The following LRRTM4 variants were observed in gnomAD, a reference collection of about 807,000 sequenced individuals.
The protein encoded by LRRTM4 is leucine-rich repeat transmembrane neuronal protein 4.
LRRTM4 carries 25 observed loss-of-function variants against 47.6 expected under a neutral mutation model. That is an observed-to-expected ratio of 0.53 (90% CI 0.38 to 0.73). LRRTM4 has a LOEUF of 0.73. Ranked by LOEUF, LRRTM4 falls within the 30% of genes least tolerant of loss-of-function variation. The pLI, the probability that LRRTM4 is intolerant of heterozygous loss-of-function variation, is 0.00. For missense variants in LRRTM4, 638 were observed against 713.4 expected (o/e 0.89, Z 1.20); for synonymous variants, 311 against 269.5 (o/e 1.15, Z -1.51).
chr2:76,958,242 A>G (rs2103904984), intron 3 of LRRTM4, among the ~76,000 whole-genome samples: 1 of 151,896 alleles, frequency 6.6e-6, no homozygotes, highest in South Asian at 2.1e-4. Flanking sequence ...TACTGTCACA[A>G]TCTTTCCCAG....
At chr2:76,758,720 T>C (rs1673150382) in intron 3 of LRRTM4, among the ~76,000 whole-genome samples, 1 of 152,198 alleles carries the variant, frequency 6.6e-6, no homozygotes, top group Non-Finnish European at 1.5e-5. Flanking sequence ...GGAGTAATTA[T>C]ATGAAAGTGA....
chr2:76,767,234 T>C (rs1288724045), intron 3 of LRRTM4, among the ~76,000 whole-genome samples: 1 of 152,228 alleles, frequency 6.6e-6, no homozygotes, highest in Admixed American at 6.5e-5. Flanking sequence ...CAGCAATTTA[T>C]ATGGACGTTT....
chr2:77,041,741 T>C (rs1002013814), intron 3 of LRRTM4, among the ~76,000 whole-genome samples: 1 of 149,378 alleles, frequency 6.7e-6, no homozygotes, highest in African/African-American at 2.4e-5. Context: ...CATTTTTAAA[T>C]CAGTTTTCTT....
intron 3 of LRRTM4, among the ~76,000 whole-genome samples, chr2:76,795,352 C>A (rs1164519343): frequency 6.6e-5 from 10 of 151,974 alleles, no homozygotes; most frequent in South Asian, 2.1e-4. Flanking sequence ...AGTTCTATAT[C>A]CATGAATTTA....
chr2:77,179,965 A>G lies in LRRTM4; in HGVS notation c.1551+338353T>C, dbSNP rs1673305411. 2.0e-5 allele frequency among the ~76,000 whole-genome samples: 3 copies of G among 152,198 alleles called. 1 individual carries two copies. The highest frequency in any genetic ancestry group is 2.0e-4 in the Admixed American group (3 of 15,272). On this transcript the variant is annotated intron_variant, in intron 3 of 3. Transcript: ENST00000409884. Reference sequence around the variant, plus strand: ...ATAGAATTCAATGTTTTTCTTTTAAAGAACTCAAGGTGGCTTATATTCAAG... The same window carrying G: ...ATAGAATTCAATGTTTTTCTTTTAAGGAACTCAAGGTGGCTTATATTCAAG...
chr2:77,020,127 A>G (rs1678214774), intron 3 of LRRTM4, among the ~76,000 whole-genome samples: 1 of 152,140 alleles, frequency 6.6e-6, no homozygotes, highest in African/African-American at 2.4e-5. Flanking sequence ...AACAAGGTAC[A>G]GGAAGAGAAA....
chr2:77,327,959 C>T (rs1435084817), intron 3 of LRRTM4, among the ~76,000 whole-genome samples: 4 of 152,006 alleles, frequency 2.6e-5, no homozygotes, highest in African/African-American at 4.8e-5. Context: ...AAGACAACAA[C>T]GGACAAGAAA....
At chr2:76,873,854 G>A (rs985387506) in intron 3 of LRRTM4, among the ~76,000 whole-genome samples, 2 of 151,516 alleles carry the variant, frequency 1.3e-5, no homozygotes, top group Non-Finnish European at 2.9e-5. Flanking sequence ...AACGATATAG[G>A]GAATACATGT....
chr2:77,163,692 T>G (rs1302006687), intron 3 of LRRTM4, among the ~76,000 whole-genome samples: 1 of 152,206 alleles, frequency 6.6e-6, no homozygotes, highest in African/African-American at 2.4e-5. Context: ...ACCCAGAATT[T>G]CATATCGAGC....
chr2:77,020,356 G>T (rs553907400), intron 3 of LRRTM4, among the ~76,000 whole-genome samples: 1 of 152,066 alleles, frequency 6.6e-6, no homozygotes, highest in East Asian at 1.9e-4. Flanking sequence ...TGGTGCAAAA[G>T]TAATTGTGGC....
intron 3 of LRRTM4, among the ~76,000 whole-genome samples, chr2:76,868,739 G>A (rs1013163270): frequency 1.1e-4 from 16 of 152,128 alleles, no homozygotes; most frequent in East Asian, 3.9e-4. Flanking sequence ...TAAATAAAGA[G>A]AAGCATCAAA....
chr2:77,183,743 A>G (rs752568496), intron 3 of LRRTM4, among the ~76,000 whole-genome samples: 1 of 152,202 alleles, frequency 6.6e-6, no homozygotes, highest in Non-Finnish European at 1.5e-5. Flanking sequence ...ATGGAATACT[A>G]TGCAGCCATA....
intron 3 of LRRTM4, among the ~76,000 whole-genome samples, chr2:76,798,308 A>C (rs1041363842): frequency 6.6e-6 from 1 of 152,068 alleles, no homozygotes; most frequent in African/African-American, 2.4e-5. Flanking sequence ...ACTCAAAACC[A>C]CTCAACTACA....
chr2:76,973,789 G>C (rs889602268), intron 3 of LRRTM4, among the ~76,000 whole-genome samples: 6 of 149,724 alleles, frequency 4.0e-5, no homozygotes, highest in Non-Finnish European at 8.9e-5. Flanking sequence ...AACCAAAGTA[G>C]TGCACACAAT....
intron 3 of LRRTM4, among the ~76,000 whole-genome samples, chr2:77,155,573 A>C (rs991101123): frequency 2.0e-5 from 3 of 151,690 alleles, no homozygotes; most frequent in Non-Finnish European, 2.9e-5. Flanking sequence ...ATATATATAT[A>C]TCTTTTAACA....
chr2:77,379,573 A>C (rs1208354504), intron 3 of LRRTM4, among the ~76,000 whole-genome samples: 1 of 152,114 alleles, frequency 6.6e-6, no homozygotes, highest in Admixed American at 6.6e-5. Context: ...TTATTTATAA[A>C]TTTCACTACA....
intron 3 of LRRTM4, among the ~76,000 whole-genome samples, chr2:77,269,597 T>C (rs1175732418): frequency 1.3e-5 from 2 of 152,144 alleles, no homozygotes; most frequent in Non-Finnish European, 2.9e-5. Context: ...AATACACCAA[T>C]TGCTGATAAT....
rs1369604856 is a variant in LRRTM4, at chr2:77,306,728, TTTTCCTCCTC to T, written c.1551+211580_1551+211589del. The stretch of plus-strand genomic sequence containing the variant: ...TGACCCTGACTTTCAAATATGCTGT[TTTTCCTCCTC>T]TCAATCAGTTTATAAAGTAATGAAA... On this transcript the variant is annotated intron_variant, in intron 3 of 3. Coordinates refer to ENST00000409884, the MANE Select transcript of LRRTM4 (RefSeq NM_001134745.3). 2.6e-5 allele frequency among the ~76,000 whole-genome samples: 4 copies of T among 151,686 alleles called. No individual in the cohort carries two copies. The East Asian group carries it at 7.7e-4, about 29-fold the overall frequency.
intron 3 of LRRTM4, among the ~76,000 whole-genome samples, chr2:77,099,978 T>C (rs957707793): frequency 1.3e-5 from 2 of 152,190 alleles, no homozygotes; most frequent in Non-Finnish European, 2.9e-5. Context: ...GTTTTTTTAA[T>C]AGCAGAATTC....
Sources: gnomAD v4.1 joint callset for allele counts (sites outside exome capture counted in the v4.1 genomes callset) on GRCh38, gnomAD v4.1.1 for gene constraint, MANE v1.5 for transcripts, NCBI Gene and HGNC (gene_info 2026-07-23, HGNC 2026-07-21) for gene names.